The following KIF24 variants were observed in gnomAD, a reference collection of about 807,000 sequenced individuals.
KIF24 encodes the protein kinesin-like protein KIF24.
Under a neutral mutation model 118.9 loss-of-function variants are expected in KIF24, and 81 were observed. The ratio of observed to expected loss-of-function variants is 0.68; its 90% CI spans 0.57 to 0.82. The LOEUF is 0.82. Ranked by LOEUF, KIF24 falls within the 40% of genes least tolerant of loss-of-function variation. The pLI is 0.00. For synonymous variants in KIF24, 599 were observed against 610.0 expected (o/e 0.98, Z 0.27); for missense variants, 1,560 against 1,661.6 (o/e 0.94, Z 1.06).
At chr9:34,316,473 C>T (rs1837333749) in intron 1 of KIF24, among the ~76,000 whole-genome samples, 1 of 152,280 alleles carries the variant, frequency 6.6e-6, no homozygotes, top group African/African-American at 2.4e-5. Flanking sequence ...AGTCCCATCA[C>T]CCAAAGTAAT....
intron 2 of KIF24, among the ~76,000 whole-genome samples, chr9:34,309,752 T>C (rs2131810202): frequency 6.6e-6 from 1 of 152,094 alleles, no homozygotes; most frequent in East Asian, 1.9e-4. Flanking sequence ...TTCAAATTAT[T>C]AAAGATATTT....
At chr9:34,292,526 C>G (rs1836292072) in intron 4 of KIF24, among the ~76,000 whole-genome samples, 1 of 152,154 alleles carries the variant, frequency 6.6e-6, no homozygotes, top group Non-Finnish European at 1.5e-5. Flanking sequence ...CCTGGGTCAT[C>G]TTCTTTGATT....
rs1563931614 is a variant in KIF24, at chr9:34,256,228, G to A, written c.3379C>T (p.Leu1127Phe). ...SPPDNKPGGD[L>F]PALSPSPIRQ... ...ATGGGTGATGGGGACAGAGCTGGAA[G>A]ATCACCACCAGGCTTATTATCAGGG... Residue 1127 changes from leucine (L) to phenylalanine (F), a missense_variant, in exon 11 of 13, where the codon CTT (leucine) becomes TTT (phenylalanine). Transcript: ENST00000402558. The A allele has an allele frequency of 6.2e-7, 1 of 1,603,658 alleles. No individual in the cohort carries two copies. The highest frequency in any genetic ancestry group is 8.5e-7 in the Non-Finnish European group (1 of 1,174,052).
In KIF24 at chr9:34,318,564, T is replaced by A; in HGVS notation, c.-25-7193A>T. 1 of 1,224,652 alleles carries A rather than the reference T, an allele frequency of 8.2e-7. No homozygotes were observed. Among genetic ancestry groups the A allele is most frequent in the African/African-American group, 1.4e-5 (1 of 69,220 alleles). The allele number at this position is 1,224,652 out of a possible 1,614,324, so 75.9% of individuals were successfully genotyped here. A position where few individuals can be genotyped will look rare whatever the true frequency, so the allele number is the denominator to read the frequency against. ...CACAGCGCCGGCCTGGCCTTCAGCC[T>A]GTACCAGGCCATGGCCAAGGACCAG... On this transcript the variant is annotated intron_variant, in intron 1 of 12. Coordinates refer to ENST00000402558, the MANE Select transcript of KIF24 (RefSeq NM_194313.4). The surrounding 1 kb of genome is among the most constrained non-coding windows in gnomAD (Gnocchi z 4.9).
chr9:34,297,559 G>A (rs765229298), intron 3 of KIF24, among the ~76,000 whole-genome samples: 12 of 152,096 alleles, frequency 7.9e-5, no homozygotes, highest in Non-Finnish European at 1.2e-4. Context: ...TCAGGAGATC[G>A]AGACCATCCT....
At chr9:34,280,569 T>G (rs985548323) in intron 6 of KIF24, among the ~76,000 whole-genome samples, 1 of 152,104 alleles carries the variant, frequency 6.6e-6, no homozygotes, top group Non-Finnish European at 1.5e-5. Flanking sequence ...TCCTTAGGAC[T>G]CCACAGCAGA....
intron 2 of KIF24, among the ~76,000 whole-genome samples, 178 bp from the exon 3 acceptor site, chr9:34,306,619 G>C (rs1478850068): frequency 6.6e-6 from 1 of 152,036 alleles, no homozygotes; most frequent in Non-Finnish European, 1.5e-5. Context: ...TGGCTAACAC[G>C]GTGAAACCCC....
intron 1 of KIF24, among the ~76,000 whole-genome samples, chr9:34,315,392 A>G (rs1200091997): frequency 1.3e-5 from 2 of 152,186 alleles, no homozygotes; most frequent in South Asian, 2.1e-4. Context: ...TTAATTTAAC[A>G]TAAACATTTT....
At chr9:34,305,379 A>C (rs533489217) in intron 3 of KIF24, among the ~76,000 whole-genome samples, 4 of 152,294 alleles carry the variant, frequency 2.6e-5, no homozygotes, top group African/African-American at 9.6e-5. Context: ...AATTAAGTAT[A>C]AGCCCAAGAC....
chr9:34,256,615 G>A lies in KIF24; in HGVS notation c.2992C>T (p.Pro998Ser). 1 of 1,613,890 alleles carries A rather than the reference G, an allele frequency of 6.2e-7. No homozygotes were observed. The highest frequency in any genetic ancestry group is 8.5e-7 in the Non-Finnish European group (1 of 1,179,876). Reference protein sequence around the residue: ...SLSHVAVPGSPDQRDTVTTPL... With the variant: ...SLSHVAVPGSSDQRDTVTTPL... ...GTGGTGACTGTGTCTCTTTGGTCTG[G>A]GGATCCAGGAACTGCAACGTGGGAC... The change falls in exon 11 of 13, where the codon CCA becomes TCA. Residue 998 changes from proline (P) to serine (S), a missense_variant. Physicochemically the swap from Pro to Ser is moderately conservative, Grantham distance 74 (BLOSUM62 -1). Transcript: ENST00000402558.
In KIF24 at chr9:34,259,619, G is replaced by A. The variant is rs751191195; in HGVS notation, c.1602C>T (p.Leu534=). 6.2e-6 allele frequency: 10 copies of A among 1,613,918 alleles called. No individual in the cohort carries two copies. The Admixed American group carries it at 1.5e-4, about 24-fold the overall frequency. The change falls in exon 10 of 13, where the codon CTC becomes CTT. Residue 534 remains leucine (L), a synonymous_variant. Coordinates refer to ENST00000402558, the MANE Select transcript of KIF24 (RefSeq NM_194313.4). ...SPSHVATEHT[L]NTLRYADRVK... ...ACCGGTCAGCATAGCGCAAGGTGTT[G>A]AGAGTGTGTTCAGTGGCCACGTGGC... is the stretch of plus-strand genomic sequence containing the variant.
rs758164703 is a variant in KIF24 at position 34,255,162 on chromosome 9, C to T, written c.3876G>A (p.Gln1292=). 6.4e-7 allele frequency: 1 copy of T among 1,571,268 alleles called. No homozygotes were observed. The highest frequency in any genetic ancestry group is 8.7e-7 in the Non-Finnish European group (1 of 1,155,296). Residue 1292 remains glutamine (Q), a synonymous_variant, in exon 12 of 13, where the codon CAG becomes CAA. Coordinates refer to ENST00000402558, the MANE Select transcript of KIF24 (RefSeq NM_194313.4). ...GTTCCTGGTGTGCTCGGATGACCACCTGCCTGGGAACACCAGAGAGAACAC... is the reference window on the plus strand; with the variant it reads ...GTTCCTGGTGTGCTCGGATGACCACTTGCCTGGGAACACCAGAGAGAACAC... The part of the protein sequence containing the change: ...LRQPTLEQAQ[Q]VVIRAHQEQL...
At position 34,319,096 on chromosome 9, in the gene KIF24, C is replaced by T. The variant is rs112695568; in HGVS notation, c.-25-7725G>A. On this transcript the variant is annotated intron_variant, in intron 1 of 12. Transcript: ENST00000402558. ...GCTTCATGGTGACTCGGTTCTATACCGTGGGTGTCATGGTGATGCACCAGA... is the reference window on the plus strand; with the variant it reads ...GCTTCATGGTGACTCGGTTCTATACTGTGGGTGTCATGGTGATGCACCAGA... 5.2e-6 allele frequency: 7 copies of T among 1,351,726 alleles called. No homozygotes were observed. The African/African-American group carries it at 5.7e-5, about 11-fold the overall frequency. 83.7% of individuals were successfully genotyped at this position (1,351,726 alleles called of 1,614,324 possible).
Position 34,254,636 on chromosome 9 carries a change from C to T in KIF24, c.3967-116G>A, listed in dbSNP as rs543735751. The T allele has an allele frequency of 5.8e-5, 61 of 1,049,744 alleles. 1 individual carries two copies. Among genetic ancestry groups the T allele is most frequent in the South Asian group, 4.2e-4 (29 of 68,502 alleles). 65.0% of individuals were successfully genotyped at this position (1,049,744 alleles called of 1,614,324 possible). ...TTCAGAACCCAGGCCACTCTTCCAGCGGGAGAACATGTAGGATAGTTGCTA... is the reference window on the plus strand; with the variant it reads ...TTCAGAACCCAGGCCACTCTTCCAGTGGGAGAACATGTAGGATAGTTGCTA... On this transcript the variant is annotated intron_variant, in intron 12 of 12. Coordinates refer to ENST00000402558, the MANE Select transcript of KIF24 (RefSeq NM_194313.4).
Position 34,256,485 on chromosome 9 carries a change from T to A in KIF24, c.3122A>T (p.His1041Leu). 6.2e-7 allele frequency: 1 copy of A among 1,613,836 alleles called. No homozygotes were observed. Among genetic ancestry groups the A allele is most frequent in the Non-Finnish European group, 8.5e-7 (1 of 1,179,810 alleles). ...GEDPRGQLGTHAEYASGLMSP... is the reference protein window; with the variant it reads ...GEDPRGQLGTLAEYASGLMSP... The stretch of plus-strand genomic sequence containing the variant: ...CATGAGTCCAGAAGCATATTCAGCA[T>A]GCGTGCCTAACTGCCCCCTAGGATC... The change falls in exon 11 of 13, where the codon CAT becomes CTT. Residue 1041 changes from histidine to leucine, a missense_variant. This residue lies in a region of KIF24 where 591 missense variants were observed against 655.6 expected (regional missense o/e 0.90). Coordinates refer to ENST00000402558, the MANE Select transcript of KIF24 (RefSeq NM_194313.4).
chr9:34,259,092 CACCAACTCCTAGTGA>C (rs1328188943), intron 10 of KIF24, among the ~76,000 whole-genome samples: 1 of 152,192 alleles, frequency 6.6e-6, no homozygotes, highest in Non-Finnish European at 1.5e-5. Flanking sequence ...CTGGCTCTGA[CACCAACTCCTAGTGA>C]GCCTTTGGAA....
intron 1 of KIF24, among the ~76,000 whole-genome samples, chr9:34,325,422 G>T (rs1026021617): frequency 6.6e-6 from 1 of 151,754 alleles, no homozygotes; most frequent in African/African-American, 2.4e-5. Context: ...GCCAGGCACG[G>T]TGGCTCATGC....
intron 6 of KIF24, among the ~76,000 whole-genome samples, chr9:34,273,363 C>G (rs1166520175): frequency 2.2e-5 from 3 of 135,064 alleles, no homozygotes; most frequent in African/African-American, 8.4e-5. Flanking sequence ...ATGGTAATTG[C>G]CAGCAATGAA....
intron 1 of KIF24, among the ~76,000 whole-genome samples, chr9:34,326,583 G>A (rs1323111325): frequency 6.6e-6 from 1 of 152,168 alleles, no homozygotes; most frequent in African/African-American, 2.4e-5. Context: ...AGTCACTTAT[G>A]TAAAAATCAG....
Sources: allele counts gnomAD v4.1 joint callset (sites outside exome capture counted in the v4.1 genomes callset), GRCh38; gene constraint gnomAD v4.1.1; regional missense constraint gnomAD v4.1.1; non-coding constraint Gnocchi (gnomAD v3.1); transcripts MANE v1.5; gene names NCBI Gene and HGNC (gene_info 2026-07-23, HGNC 2026-07-21).